Variants in LHX6 observed in about 807,000 individuals in gnomAD.
The protein encoded by LHX6 is LIM/homeobox protein Lhx6.
LHX6 carries 15 observed loss-of-function variants against 47.1 expected under a neutral mutation model. The observed-to-expected ratio is 0.32, with a 90% CI of 0.21 to 0.49. LHX6 has a LOEUF of 0.49. Ranked by LOEUF, LHX6 falls within the 20% of genes least tolerant of loss-of-function variation. The pLI, the probability that LHX6 is intolerant of heterozygous loss-of-function variation, is 0.99. For synonymous variants in LHX6, 242 were observed against 233.5 expected, an observed-to-expected ratio of 1.04 and a Z score of -0.33; for missense variants, 404 against 539.6, an observed-to-expected ratio of 0.75 and a Z score of 2.49.
intron 5 of LHX6, among the ~76,000 whole-genome samples, chr9:122,216,072 T>C (rs1281669121): frequency 6.6e-6 from 1 of 152,146 alleles, no homozygotes; most frequent in Non-Finnish European, 1.5e-5. Context: ...TGATATGGTA[T>C]GGTATGGTAG....
At chr9:122,219,148 A>C (rs548336640) in intron 4 of LHX6, among the ~76,000 whole-genome samples, 1 of 152,258 alleles carries the variant, frequency 6.6e-6, no homozygotes, top group East Asian at 1.9e-4. Flanking sequence ...TGGCAAATTC[A>C]AGCAACTGTC....
At chr9:122,222,834 C>A (rs1203537583) in intron 4 of LHX6, among the ~76,000 whole-genome samples, 1 of 152,232 alleles carries the variant, frequency 6.6e-6, no homozygotes, top group Non-Finnish European at 1.5e-5. Context: ...CCATGCTCCC[C>A]CTCCATGGGG....
Position 122,202,611 on chromosome 9 carries a change from A to G in LHX6, c.*2149T>C, listed in dbSNP as rs952377349. On this transcript the variant is annotated 3_prime_UTR_variant, in exon 10 of 10. Coordinates refer to ENST00000394319, the MANE Select transcript of LHX6 (RefSeq NM_014368.5). ...TTTCAGTGCCAGCACTTCTACTTGC[A>G]TTAACTTTATTACACAAATAAGACA... 6.5e-6 allele frequency: 1 copy of G among 152,672 alleles called. No homozygotes were observed. The highest frequency in any genetic ancestry group is 2.4e-5 in the African/African-American group (1 of 41,456). The allele number at this position is 152,672 out of a possible 1,614,324, so 9.5% of individuals were successfully genotyped here.
intron 9 of LHX6, among the ~76,000 whole-genome samples, chr9:122,209,302 G>A (rs1297024452): frequency 3.3e-5 from 5 of 152,234 alleles, no homozygotes; most frequent in African/African-American, 4.8e-5. Context: ...TGGGAAGTGG[G>A]GTGATGAGTG....
chr9:122,217,389 C>CT lies in LHX6; in HGVS notation c.462-102dup, dbSNP rs1481655762. On this transcript the variant is annotated intron_variant, in intron 4 of 9. Coordinates refer to ENST00000394319, the MANE Select transcript of LHX6 (RefSeq NM_014368.5). This position sits in a 1 kb window ranked among gnomAD's most constrained non-coding sequence, Gnocchi z 4.9. ...CCGCCAGCCCCCAGGCTCCTGGCCTCTAAGTCTTCAACTCAGGCATTAGCC... is the reference window on the plus strand; with the variant it reads ...CCGCCAGCCCCCAGGCTCCTGGCCTCTTAAGTCTTCAACTCAGGCATTAGCC... 4.3e-6 allele frequency: 4 copies of CT among 924,350 alleles called. No individual in the cohort carries two copies. The highest frequency in any genetic ancestry group is 2.6e-5 in the East Asian group (1 of 37,872). 57.3% of individuals were successfully genotyped at this position (924,350 alleles called of 1,614,324 possible).
Position 122,213,865 on chromosome 9 carries a change from G to A in LHX6, c.880-85C>T, listed in dbSNP as rs755721885. The A allele has an allele frequency of 3.3e-6, 5 of 1,518,826 alleles. No homozygotes were observed. The highest frequency in any genetic ancestry group is 4.4e-6 in the Non-Finnish European group (5 of 1,124,344). 94.1% of individuals were successfully genotyped at this position (1,518,826 alleles called of 1,614,324 possible). On this transcript the variant is annotated intron_variant, in intron 7 of 9. Coordinates refer to ENST00000394319, the MANE Select transcript of LHX6 (RefSeq NM_014368.5). This position sits in a 1 kb window ranked among gnomAD's most constrained non-coding sequence, Gnocchi z 5.5. ...AGACCCCAGGCGGGACTGCCTCGTC[G>A]CCTCCTGGAGAAGGATGGCCACGTG...
intron 9 of LHX6, among the ~76,000 whole-genome samples, chr9:122,206,962 CCTCCT>C (rs749172495): frequency 6.6e-6 from 1 of 152,156 alleles, no homozygotes; most frequent in Non-Finnish European, 1.5e-5. Context: ...GAGCTCACTG[CCTCCT>C]CTTCTGGGTC....
chr9:122,222,646 T>G (rs1830916102), intron 4 of LHX6, among the ~76,000 whole-genome samples: 1 of 152,226 alleles, frequency 6.6e-6, no homozygotes, highest in East Asian at 1.9e-4. Flanking sequence ...ACCCTCTCCC[T>G]GGTGAACTTG....
intron 8 of LHX6, among the ~76,000 whole-genome samples, chr9:122,211,962 A>G (rs1830413063): frequency 6.6e-6 from 1 of 152,202 alleles, no homozygotes; most frequent in African/African-American, 2.4e-5. Flanking sequence ...TGTCGCTCCT[A>G]TTGAGCAGAT....
At chr9:122,228,253 G>C (rs1831192071) in intron 1 of LHX6, 1 of 1,534,662 alleles carries the variant, frequency 6.5e-7, no homozygotes, top group East Asian at 2.5e-5. Context: ...AGAGAAAAGA[G>C]AGGCGCTCAA....
chr9:122,217,222 A>T lies in LHX6; in HGVS notation c.528T>A (p.Ala176=). ...AGGCCAGGTGGTAGGCGTTGCCGCG[A>T]GCTCTCCGCACCCAGTCGCTGGCGT... The part of the protein sequence containing the change: ...QIYASDWVRR[A]RGNAYHLACF... The change falls in exon 5 of 10, where the codon GCT becomes GCA. Residue 176 remains alanine (A), a synonymous_variant. Coordinates refer to ENST00000394319, the MANE Select transcript of LHX6 (RefSeq NM_014368.5). This position sits in a 1 kb window ranked among gnomAD's most constrained non-coding sequence, Gnocchi z 4.9. 1 of 1,614,086 alleles carries T rather than the reference A, an allele frequency of 6.2e-7. No individual in the cohort carries two copies. The highest frequency in any genetic ancestry group is 8.5e-7 in the Non-Finnish European group (1 of 1,180,016).
intron 5 of LHX6, among the ~76,000 whole-genome samples, chr9:122,216,004 T>A (rs934940068): frequency 1.6e-4 from 25 of 152,134 alleles, no homozygotes; most frequent in African/African-American, 6.0e-4. Context: ...CCTCCTTGGC[T>A]TTATGAGATC....
rs181056520 is a variant in LHX6, at chr9:122,215,341, C to T, written c.683-958G>A. Among the ~76,000 whole-genome samples, 5 of 152,226 alleles carry T rather than the reference C, an allele frequency of 3.3e-5. No homozygotes were observed. In the East Asian group the frequency reaches 5.8e-4, roughly 18 times the overall value. On this transcript the variant is annotated intron_variant, in intron 5 of 9. Coordinates refer to ENST00000394319, the MANE Select transcript of LHX6 (RefSeq NM_014368.5). Reference sequence around the variant, plus strand: ...TCGTTATTTTCTTCTTTTTGCTTACCGTCTTTTCTAATTTTTCTACAATGA... The same window carrying T: ...TCGTTATTTTCTTCTTTTTGCTTACTGTCTTTTCTAATTTTTCTACAATGA...
intron 1 of LHX6, 158 bp downstream of exon 1, chr9:122,228,499 G>T: frequency 8.8e-7 from 1 of 1,134,084 alleles, no homozygotes; most frequent in South Asian, 1.6e-5. Flanking sequence ...CCCCCCCCCC[G>T]CTCGCGCGCG....
intron 4 of LHX6, among the ~76,000 whole-genome samples, chr9:122,224,814 T>C (rs537672012): frequency 6.8e-6 from 1 of 146,288 alleles, no homozygotes; most frequent in Admixed American, 6.6e-5. Flanking sequence ...GGAACACACA[T>C]GCTATCTACA....
rs1156567799 is a variant in LHX6, at chr9:122,226,999, G to A, written c.188C>T (p.Ala63Val). 3 of 1,526,654 alleles carry A rather than the reference G, an allele frequency of 2.0e-6. No homozygotes were observed. Among genetic ancestry groups the A allele is most frequent in the Non-Finnish European group, 2.6e-6 (3 of 1,134,210 alleles). 94.6% of individuals were successfully genotyped at this position (1,526,654 alleles called of 1,614,324 possible). ...GGCCTGACCCTCGTCCTTGTCCAGAGCTCCTGCCAGGGCCTCGGCGTCAGA... is the reference window on the plus strand; with the variant it reads ...GGCCTGACCCTCGTCCTTGTCCAGAACTCCTGCCAGGGCCTCGGCGTCAGA... ...AQSDAEALAG[A>V]LDKDEGQASP... Residue 63 changes from alanine (A) to valine (V), a missense_variant, in exon 3 of 10, where the codon GCT becomes GTT. Ala to Val is a moderately conservative substitution (Grantham distance 64, BLOSUM62 0). Around this residue, in one of 7 missense-constraint regions of LHX6, gnomAD observed 144 missense variants for 128.7 expected, o/e 1.12. Transcript: ENST00000394319. This position sits in a 1 kb window ranked among gnomAD's most constrained non-coding sequence, Gnocchi z 6.5.
intron 8 of LHX6, among the ~76,000 whole-genome samples, chr9:122,211,711 TC>T (rs545564047): frequency 9.8e-5 from 15 of 152,330 alleles, no homozygotes; most frequent in African/African-American, 3.4e-4. Flanking sequence ...CAGCCTCTTC[TC>T]TAAGCAGCAA....
At chr9:122,210,067 G>A (rs1830343933) in intron 8 of LHX6, among the ~76,000 whole-genome samples, 1 of 152,058 alleles carries the variant, frequency 6.6e-6, no homozygotes, top group Non-Finnish European at 1.5e-5. Flanking sequence ...GCAGAGACGG[G>A]GTTTCACCGT....
At chr9:122,228,393 G>C (rs1035959124) in intron 1 of LHX6, 1 of 1,499,826 alleles carries the variant, frequency 6.7e-7, no homozygotes, top group Non-Finnish European at 8.8e-7. Flanking sequence ...GGACAATACC[G>C]GCCTCGCCTC....
Sources: allele counts gnomAD v4.1 joint callset (sites outside exome capture counted in the v4.1 genomes callset), GRCh38; gene constraint gnomAD v4.1.1; regional missense constraint gnomAD v4.1.1; non-coding constraint Gnocchi (gnomAD v3.1); transcripts MANE v1.5; gene names NCBI Gene and HGNC (gene_info 2026-07-23, HGNC 2026-07-21).